Variants in DAB1 observed in about 807,000 individuals in gnomAD.
The protein encoded by DAB1 is DAB adaptor protein 1.
A neutral mutation model predicts 64.6 loss-of-function variants in DAB1; 15 were observed. The ratio of observed to expected loss-of-function variants is 0.23; its 90% CI spans 0.16 to 0.36. The LOEUF is 0.36. DAB1 is among the 10% of genes least tolerant of loss of function. DAB1 has a pLI of 1.00. For synonymous variants in DAB1, 235 were observed against 251.9 expected (o/e 0.93, Z 0.64); for missense variants, 596 against 706.7 (o/e 0.84, Z 1.78).
At chr1:58,441,605 A>C (rs1162484209) in intron 3 of DAB1, among the ~76,000 whole-genome samples, 2 of 152,068 alleles carry the variant, frequency 1.3e-5, no homozygotes, top group Non-Finnish European at 2.9e-5. Context: ...TGATTTCCTC[A>C]GTTATAAAAG....
rs560616566 is a variant in DAB1, at chr1:57,555,103, C to T, written n.625+94489G>A. Among the ~76,000 whole-genome samples the T allele has an allele frequency of 1.9e-3, 265 of 136,866 alleles. 1 individual carries two copies. Among genetic ancestry groups the T allele is most frequent in the African/African-American group, 6.6e-3 (239 of 35,944 alleles). The allele number at this position is 136,866 out of a possible 152,430, so 89.8% of individuals were successfully genotyped here. ...AGGATGGAGTGCAGCGGCACTATCT[C>T]GGCTCACTGTAACCTCCACCTCCTG... is the stretch of plus-strand genomic sequence containing the variant. On this transcript the variant is annotated intron_variant and non_coding_transcript_variant, in intron 7 of 20. Transcript: ENST00000485760.
intron 1 of DAB1, among the ~76,000 whole-genome samples, chr1:57,833,821 A>G (rs1652694233): frequency 6.6e-6 from 1 of 152,234 alleles, no homozygotes; most frequent in Admixed American, 6.5e-5. Flanking sequence ...AAAATGAGGA[A>G]AGAAACTCAT....
intron 2 of DAB1, among the ~76,000 whole-genome samples, chr1:58,508,873 A>G (rs1248973710): frequency 6.6e-6 from 1 of 151,172 alleles, no homozygotes; most frequent in Non-Finnish European, 1.5e-5. Flanking sequence ...CACGTGTCCA[A>G]CATTCTAACA....
chr1:57,145,205 G>T (rs1658993214), intron 3 of DAB1, 85 bp downstream of exon 3: 2 of 1,357,200 alleles, frequency 1.5e-6, no homozygotes, highest in Admixed American at 1.9e-5. Flanking sequence ...AATGAATAAA[G>T]TTATTTACAA....
At chr1:57,852,063 C>A (rs995173937) in intron 1 of DAB1, among the ~76,000 whole-genome samples, 2 of 152,228 alleles carry the variant, frequency 1.3e-5, no homozygotes, top group African/African-American at 4.8e-5. Context: ...CTGACCTTCC[C>A]TGGCCCTCCT....
chr1:57,068,770 C>G (rs934366905), intron 8 of DAB1, among the ~76,000 whole-genome samples: 2 of 152,062 alleles, frequency 1.3e-5, no homozygotes, highest in Non-Finnish European at 2.9e-5. Context: ...TGTACAACCC[C>G]GAGAAAGCTA....
At chr1:57,673,502 T>A (rs762956551) in intron 6 of DAB1, among the ~76,000 whole-genome samples, 1 of 152,116 alleles carries the variant, frequency 6.6e-6, no homozygotes, top group African/African-American at 2.4e-5. Flanking sequence ...TTAGGAGGAA[T>A]CCAGGTGGTC....
At chr1:58,090,101 G>T (rs1650560553) in intron 5 of DAB1, among the ~76,000 whole-genome samples, 1 of 152,146 alleles carries the variant, frequency 6.6e-6, no homozygotes, top group Admixed American at 6.5e-5. Flanking sequence ...CTTTGATCTT[G>T]TACACCAAGA....
intron 7 of DAB1, among the ~76,000 whole-genome samples, chr1:57,607,702 C>T (rs1305343665): frequency 6.6e-6 from 1 of 152,168 alleles, no homozygotes; most frequent in Non-Finnish European, 1.5e-5. Flanking sequence ...AGTTGCATCA[C>T]ACACATTTAT....
intron 4 of DAB1, among the ~76,000 whole-genome samples, chr1:58,237,863 G>A (rs796415968): frequency 1.2e-4 from 18 of 152,284 alleles, no homozygotes; most frequent in African/African-American, 4.1e-4. Context: ...GAGCACATGA[G>A]ATAATCATGA....
At chr1:57,222,903 A>G (rs1231613653) in intron 2 of DAB1, among the ~76,000 whole-genome samples, 1 of 152,178 alleles carries the variant, frequency 6.6e-6, no homozygotes, top group Non-Finnish European at 1.5e-5. Context: ...GCACTTGTTC[A>G]TACTTTATCA....
intron 5 of DAB1, among the ~76,000 whole-genome samples, chr1:57,923,294 C>A (rs1035145082): frequency 1.3e-5 from 2 of 152,058 alleles, no homozygotes; most frequent in African/African-American, 4.8e-5. Context: ...ATCCTAGCAA[C>A]GTGTGTTATG....
chr1:57,734,964 G>C (rs1427672289), intron 6 of DAB1, among the ~76,000 whole-genome samples: 1 of 152,126 alleles, frequency 6.6e-6, no homozygotes, highest in Non-Finnish European at 1.5e-5. Context: ...TATTGTAACT[G>C]CATACATTTA....
At chr1:57,588,481 G>C (rs1645405847) in intron 7 of DAB1, among the ~76,000 whole-genome samples, 2 of 152,226 alleles carry the variant, frequency 1.3e-5, no homozygotes, top group African/African-American at 2.4e-5. Context: ...GTAAATACCA[G>C]AGAATTAAAA....
intron 2 of DAB1, among the ~76,000 whole-genome samples, chr1:57,274,896 T>C (rs1486123197): frequency 2.7e-5 from 4 of 149,154 alleles, no homozygotes; most frequent in African/African-American, 9.9e-5. Flanking sequence ...TTTTTTTTTT[T>C]TTTTTAATCT....
At chr1:57,293,523 T>A (rs1445459909) in intron 1 of DAB1, among the ~76,000 whole-genome samples, 1 of 152,074 alleles carries the variant, frequency 6.6e-6, no homozygotes, top group Non-Finnish European at 1.5e-5. Context: ...TGCCTCCTGG[T>A]AAGCATTTAA....
rs550887439 is a variant in DAB1 at position 57,097,065 on chromosome 1, T to C, written c.307-24651A>G. ...GTTAATATATCCTCAGTACCCAGATTAGTATCTAGCAATGAGTGTTGCTAA... is the reference window on the plus strand; with the variant it reads ...GTTAATATATCCTCAGTACCCAGATCAGTATCTAGCAATGAGTGTTGCTAA... On this transcript the variant is annotated intron_variant, in intron 4 of 14. Coordinates refer to ENST00000371236, the MANE Select transcript of DAB1 (RefSeq NM_001365792.1). Among the ~76,000 whole-genome samples, 6 of 152,288 alleles carry C rather than the reference T, an allele frequency of 3.9e-5. 1 individual carries two copies. Among genetic ancestry groups the C allele is most frequent in the Admixed American group, 3.3e-4 (5 of 15,292 alleles).
chr1:58,424,547 C>T (rs1036845170), intron 3 of DAB1, among the ~76,000 whole-genome samples: 27 of 152,146 alleles, frequency 1.8e-4, no homozygotes, highest in African/African-American at 5.3e-4. Context: ...CACTCCTTAC[C>T]GTTAATTATA....
chr1:57,782,936 C>A (rs1369216133), intron 6 of DAB1, among the ~76,000 whole-genome samples: 1 of 151,904 alleles, frequency 6.6e-6, no homozygotes, highest in Non-Finnish European at 1.5e-5. Flanking sequence ...CAAAGAAAAT[C>A]ATTTAGCATG....
Sources: allele counts gnomAD v4.1 joint callset (sites outside exome capture counted in the v4.1 genomes callset), GRCh38; gene constraint gnomAD v4.1.1; transcripts MANE v1.5; gene names NCBI Gene and HGNC (gene_info 2026-07-23, HGNC 2026-07-21).